The following FAM111B variants were observed in gnomAD, a reference collection of about 807,000 sequenced individuals.
FAM111B encodes the protein serine protease FAM111B.
Under a neutral mutation model 2.8 loss-of-function variants are expected in FAM111B, and 1 was observed. The observed-to-expected ratio is 0.36, with a 90% CI of 0.13 to 1.70. The LOEUF (loss-of-function observed/expected upper bound fraction) is 1.70, where lower values mean the gene tolerates loss of function less well. Ranked by LOEUF, FAM111B falls within the 40% of genes most tolerant of loss-of-function variation. The probability of loss-of-function intolerance (pLI) is 0.35; values close to 1 mark genes in which losing one functional copy is unlikely to be tolerated. For missense variants in FAM111B, 882 were observed against 878.9 expected, an observed-to-expected ratio of 1.00 and a Z score of -0.04; for synonymous variants, 297 against 295.6, an observed-to-expected ratio of 1.00 and a Z score of -0.05.
Position 59,125,886 on chromosome 11 carries a change from G to T in FAM111B, c.1789G>T (p.Glu597Ter). 6.8e-6 allele frequency: 11 copies of T among 1,613,762 alleles called. No individual in the cohort carries two copies. Among genetic ancestry groups the T allele is most frequent in the Non-Finnish European group, 8.5e-6 (10 of 1,179,832 alleles). ...TGGTTGTACTGTGATTCCTCTAAAC[G>T]AACGATTGAAAAAATATCCAAACGA... ...IDGCTVIPLN[E>*]RLKKYPNDCQ... is the part of the protein sequence containing the mutation. Residue 597 changes from glutamate to a stop codon, truncating the protein, a stop_gained, in exon 4 of 4, where the codon GAA becomes TAA. Transcript: ENST00000343597. LOFTEE classifies it low-confidence loss of function (END_TRUNC).
chr11:59,125,567 T>C lies in FAM111B; in HGVS notation c.1470T>C (p.His490=). The C allele has an allele frequency of 6.2e-7, 1 of 1,613,886 alleles. No homozygotes were observed. The highest frequency in any genetic ancestry group is 8.5e-7 in the Non-Finnish European group (1 of 1,179,812). The part of the protein sequence containing the change: ...FNGGYIFTCR[H]VVHLMVGKNT... ...GTGGTTATATTTTCACCTGTCGACA[T>C]GTTGTACATCTTATGGTGGGTAAAA... The change falls in exon 4 of 4, where the codon CAT becomes CAC. Residue 490 remains histidine (H), a synonymous_variant. Coordinates refer to ENST00000343597, the MANE Select transcript of FAM111B (RefSeq NM_198947.4).
In FAM111B at chr11:59,125,125, C is replaced by T. The variant is rs1249617069; in HGVS notation, c.1028C>T (p.Pro343Leu). 3 of 1,613,686 alleles carry T rather than the reference C, an allele frequency of 1.9e-6. No homozygotes were observed. The highest frequency in any genetic ancestry group is 2.5e-6 in the Non-Finnish European group (3 of 1,179,822). Residue 343 changes from proline to leucine, a missense_variant, in exon 4 of 4, where the codon CCC becomes CTC. Pro to Leu is a moderately conservative substitution (Grantham distance 98). Transcript: ENST00000343597. ...AAAGATAAAACTCGCCAGACAATTCCCAGGATTAGAAATTATTACTTTTGT... is the reference window on the plus strand; with the variant it reads ...AAAGATAAAACTCGCCAGACAATTCTCAGGATTAGAAATTATTACTTTTGT... ...YIKDKTRQTI[P>L]RIRNYYFCSL...
chr11:59,124,458 A>G lies in FAM111B; in HGVS notation c.361A>G (p.Ile121Val). 2 of 1,613,704 alleles carry G rather than the reference A, an allele frequency of 1.2e-6. No homozygotes were observed. Among genetic ancestry groups the G allele is most frequent in the Non-Finnish European group, 8.5e-7 (1 of 1,179,844 alleles). The change falls in exon 4 of 4, where the codon ATA becomes GTA. Residue 121 changes from isoleucine to valine, a missense_variant. Transcript: ENST00000343597. Reference protein sequence around the residue: ...LSANDYFSERIKNQFNKNIIV... With the variant: ...LSANDYFSERVKNQFNKNIIV... ...TGCTAATGACTATTTCAGTGAAAGG[A>G]TAAAGAATCAGTTTAATAAGAACAT...
intron 3 of FAM111B, among the ~76,000 whole-genome samples, chr11:59,117,435 G>A (rs1307791269): frequency 6.6e-6 from 1 of 152,132 alleles, no homozygotes; most frequent in African/African-American, 2.4e-5. Context: ...GGTTTTTCAA[G>A]GCTCCTTTAG....
In FAM111B at chr11:59,126,468, G is replaced by A. The variant is rs1391798207; in HGVS notation, c.*166G>A. On this transcript the variant is annotated 3_prime_UTR_variant, in exon 4 of 4. Transcript: ENST00000343597. ...TCAACAGGGTAAACACACAACCTAC[G>A]GAATGGGAGAAAATATTTGCAAACT... The A allele has an allele frequency of 5.9e-5, 30 of 504,562 alleles. No homozygotes were observed. The highest frequency in any genetic ancestry group is 9.1e-5 in the Non-Finnish European group (27 of 297,994). 31.3% of individuals were successfully genotyped at this position (504,562 alleles called of 1,614,324 possible).
Position 59,117,645 on chromosome 11 carries a change from C to T in FAM111B, c.82-6534C>T, listed in dbSNP as rs562006651. On this transcript the variant is annotated intron_variant, in intron 3 of 3. Coordinates refer to ENST00000343597, the MANE Select transcript of FAM111B (RefSeq NM_198947.4). ...TGCTTCCTCCCTCTGGACCCTACCA[C>T]CTCCCTCAGAGGTTTCACAGGGCAA... Among the ~76,000 whole-genome samples, 4 of 152,288 alleles carry T rather than the reference C, an allele frequency of 2.6e-5. 1 individual carries two copies. In the South Asian group the frequency reaches 8.3e-4, roughly 32 times the overall value.
Position 59,126,034 on chromosome 11 carries a change from C to G in FAM111B, c.1937C>G (p.Ser646Cys), listed in dbSNP as rs1173360285. Residue 646 changes from serine (S) to cysteine (C), a missense_variant, in exon 4 of 4, where the codon TCT becomes TGT. Transcript: ENST00000343597. ...ACGCTTAGTTATGATACTTGTTTCT[C>G]TGATGGGTCCTCAGGCTCCCCAGTG... ...THTLSYDTCF[S>C]DGSSGSPVFN... 2 of 1,613,856 alleles carry G rather than the reference C, an allele frequency of 1.2e-6. No homozygotes were observed. Among genetic ancestry groups the G allele is most frequent in the Non-Finnish European group, 1.7e-6 (2 of 1,179,880 alleles).
Position 59,109,269 on chromosome 11 carries a change from G to C in FAM111B, c.-86-271G>C, listed in dbSNP as rs1456146071. ...TCTCATACTGTGTGCTCCTGTGGCT[G>C]TCTTCTCCCTAGTACTCTGTCATAC... On this transcript the variant is annotated intron_variant, in intron 2 of 3. Transcript: ENST00000343597. Among the ~76,000 whole-genome samples the C allele has an allele frequency of 2.6e-5, 4 of 152,182 alleles. No homozygotes were observed. The South Asian group carries it at 6.2e-4, about 24-fold the overall frequency.
intron 3 of FAM111B, among the ~76,000 whole-genome samples, chr11:59,113,468 G>A (rs1040853902): frequency 1.2e-4 from 18 of 152,174 alleles, no homozygotes; most frequent in African/African-American, 4.1e-4. Context: ...GAAGTACAAG[G>A]CACAAGTGAC....
rs1277575926 is a variant in FAM111B, at chr11:59,124,938, A to T, written c.841A>T (p.Lys281Ter). Residue 281 changes from lysine (K) to a stop codon, truncating the protein, a stop_gained, in exon 4 of 4, where the codon AAA becomes TAA. Transcript: ENST00000343597. LOFTEE classifies it low-confidence loss of function (END_TRUNC). ...KKALQQKDIH[K>*]KIKQNESATD... ...AGCATTACAACAGAAAGATATCCAT[A>T]AAAAAATTAAACAGAATGAAAGTGC... 1 of 1,605,510 alleles carries T rather than the reference A, an allele frequency of 6.2e-7. No homozygotes were observed. The highest frequency in any genetic ancestry group is 1.1e-5 in the South Asian group (1 of 88,502).
At chr11:59,117,450 G>A (rs1441511922) in intron 3 of FAM111B, among the ~76,000 whole-genome samples, 1 of 152,188 alleles carries the variant, frequency 6.6e-6, no homozygotes, top group Non-Finnish European at 1.5e-5. Flanking sequence ...CTTTAGGGAT[G>A]CAAGTATGAT....
At position 59,126,171 on chromosome 11, in the gene FAM111B, T is replaced by C. The variant is rs1297749436; in HGVS notation, c.2074T>C (p.Cys692Arg). Reference sequence around the variant, plus strand: ...TGGTTATTCTATGGATTCTATTCTTTGTGATATTAAAAAGACAAATGAGAG... The same window carrying C: ...TGGTTATTCTATGGATTCTATTCTTCGTGATATTAAAAAGACAAATGAGAG... ...EFGYSMDSIL[C>R]DIKKTNESLY... Residue 692 changes from cysteine (C) to arginine (R), a missense_variant, in exon 4 of 4, where the codon TGT becomes CGT. By Grantham distance (180) the Cys-to-Arg change is radical (BLOSUM62 -3). Transcript: ENST00000343597. 1.9e-6 allele frequency: 3 copies of C among 1,611,644 alleles called. No individual in the cohort carries two copies. Among genetic ancestry groups the C allele is most frequent in the Admixed American group, 3.4e-5 (2 of 59,588 alleles).
At chr11:59,116,657 C>T (rs1859844585) in intron 3 of FAM111B, among the ~76,000 whole-genome samples, 1 of 152,218 alleles carries the variant, frequency 6.6e-6, no homozygotes, top group African/African-American at 2.4e-5. Flanking sequence ...GGTAGCTAGG[C>T]CTGGTCAGCT....
intron 2 of FAM111B, among the ~76,000 whole-genome samples, chr11:59,109,001 C>G (rs1180040494): frequency 2.0e-5 from 3 of 152,072 alleles, no homozygotes; most frequent in Non-Finnish European, 2.9e-5. Flanking sequence ...GGGAGCAGAA[C>G]TAGGGCTAAT....
chr11:59,119,045 A>C (rs1190488822), intron 3 of FAM111B, among the ~76,000 whole-genome samples: 1 of 152,148 alleles, frequency 6.6e-6, no homozygotes, highest in Non-Finnish European at 1.5e-5. Context: ...ACGAATTATG[A>C]TGTTTTCCCT....
At chr11:59,107,840 A>T (rs1293918468) in intron 1 of FAM111B, among the ~76,000 whole-genome samples, 1 of 152,188 alleles carries the variant, frequency 6.6e-6, no homozygotes, top group South Asian at 2.1e-4. Flanking sequence ...AGATTGAGGT[A>T]TGGTAATCAG....
intron 3 of FAM111B, among the ~76,000 whole-genome samples, chr11:59,111,221 A>C (rs934568774): frequency 6.6e-6 from 1 of 152,156 alleles, no homozygotes; most frequent in Non-Finnish European, 1.5e-5. Flanking sequence ...GTCCCAACTT[A>C]AGTAGCTCAC....
chr11:59,122,350 G>A (rs992969643), intron 3 of FAM111B, among the ~76,000 whole-genome samples: 1 of 152,190 alleles, frequency 6.6e-6, no homozygotes, highest in African/African-American at 2.4e-5. Flanking sequence ...CCATGAGAAT[G>A]AGAAAGGAAG....
At chr11:59,123,896 TC>T (rs1394245080) in intron 3 of FAM111B, among the ~76,000 whole-genome samples, 1 of 152,002 alleles carries the variant, frequency 6.6e-6, no homozygotes, top group Non-Finnish European at 1.5e-5. Context: ...AGATGATATT[TC>T]CCCCATTAAA....
Sources: allele counts gnomAD v4.1 joint callset (sites outside exome capture counted in the v4.1 genomes callset), GRCh38; gene constraint gnomAD v4.1.1; transcripts MANE v1.5; gene names NCBI Gene and HGNC (gene_info 2026-07-23, HGNC 2026-07-21).